Variants in NOX5 observed in about 807,000 individuals in gnomAD.
NOX5 encodes NADPH oxidase, EF-hand calcium binding domain 5.
In NOX5, 76 loss-of-function variants were observed where a neutral mutation model predicts 85.7. That is an observed-to-expected ratio of 0.89 (90% CI 0.74 to 1.07). The LOEUF (loss-of-function observed/expected upper bound fraction) is 1.07. NOX5 is among the 50% of genes least tolerant of loss of function. NOX5 has a pLI of 0.00. For synonymous variants in NOX5, 405 were observed against 401.4 expected, an observed-to-expected ratio of 1.01 and a Z score of -0.11; for missense variants, 973 against 999.5, an observed-to-expected ratio of 0.97 and a Z score of 0.36.
At chr15:69,049,147 C>T (rs899207206) in intron 14 of NOX5, 89 bp downstream of exon 14, 16 of 746,094 alleles carry the variant, frequency 2.1e-5, no homozygotes, top group Admixed American at 3.0e-5. Context: ...ATGAAACTCA[C>T]GTAACCTAAA....
chr15:69,032,309 TG>T (rs1595776166), intron 4 of NOX5, among the ~76,000 whole-genome samples: 3 of 151,886 alleles, frequency 2.0e-5, no homozygotes, highest in African/African-American at 4.8e-5. Flanking sequence ...AATTAATAAG[TG>T]CTGTGGAGAA....
At chr15:69,054,379 C>G (rs2050784995) in intron 14 of NOX5, among the ~76,000 whole-genome samples, 1 of 152,216 alleles carries the variant, frequency 6.6e-6, no homozygotes, top group Non-Finnish European at 1.5e-5. Flanking sequence ...CCTTCCCCAT[C>G]TCTTCAGCTC....
Position 69,035,896 on chromosome 15 carries a change from T to C in NOX5, c.1148T>C (p.Ile383Thr), listed in dbSNP as rs2050509921. Residue 383 changes from isoleucine to threonine, a missense_variant, in exon 7 of 16, where the codon ATC becomes ACC. Coordinates refer to ENST00000388866, the MANE Select transcript of NOX5 (RefSeq NM_024505.4). ...CTGCTGCTGCTCCTCCTCATGTTCA[T>C]CTGCTCCAGTTCCTGCATCCGCAGG... is the stretch of plus-strand genomic sequence containing the variant. ...ALLLLLLLMF[I>T]CSSSCIRRSG... The C allele has an allele frequency of 3.1e-6, 5 of 1,614,074 alleles. No individual in the cohort carries two copies. Among genetic ancestry groups the C allele is most frequent in the Admixed American group, 3.3e-5 (2 of 60,010 alleles).
chr15:69,043,048 G>C (rs780830119), intron 10 of NOX5, among the ~76,000 whole-genome samples: 2 of 152,164 alleles, frequency 1.3e-5, no homozygotes, highest in African/African-American at 2.4e-5. Context: ...AAAGAGAGTG[G>C]AAATTGAAAT....
At chr15:69,043,923 C>T (rs1338779207) in intron 10 of NOX5, among the ~76,000 whole-genome samples, 8 of 152,174 alleles carry the variant, frequency 5.3e-5, no homozygotes, top group South Asian at 2.1e-4. Flanking sequence ...CGGTGGCTCA[C>T]GCCTGTAATC....
intron 7 of NOX5, among the ~76,000 whole-genome samples, chr15:69,036,555 G>A (rs1367592602): frequency 2.6e-4 from 39 of 152,262 alleles, no homozygotes; most frequent in Admixed American, 2.4e-3. Context: ...ACAAGCCTTT[G>A]AAGTAGGAAT....
chr15:69,023,270 T>C (rs1235803873), intron 1 of NOX5: 2 of 246,074 alleles, frequency 8.1e-6, no homozygotes, highest in Admixed American at 5.5e-5. Flanking sequence ...CTGAATTAGA[T>C]CAACTCTCAG....
At chr15:69,051,394 T>TC (rs2050747600) in intron 14 of NOX5, among the ~76,000 whole-genome samples, 2 of 152,156 alleles carry the variant, frequency 1.3e-5, no homozygotes, top group African/African-American at 4.8e-5. Flanking sequence ...TGTAAATTTT[T>TC]CTTTTTTTTT....
intron 6 of NOX5, 107 bp downstream of exon 6, chr15:69,035,614 G>C (rs2050504890): frequency 6.4e-7 from 1 of 1,551,586 alleles, no homozygotes; most frequent in Non-Finnish European, 8.7e-7. Context: ...GGGCAGAGAA[G>C]GGGTGCCCTG....
At chr15:69,021,692 C>T (rs1033293766) in intron 1 of NOX5, among the ~76,000 whole-genome samples, 7 of 152,204 alleles carry the variant, frequency 4.6e-5, no homozygotes, top group Non-Finnish European at 1.0e-4. Context: ...ATTCATTTCT[C>T]TTAAATCCAC....
rs115491834 is a variant in NOX5 at position 69,023,498 on chromosome 15, G to A, written c.51-3030G>A. 470 of 359,992 alleles carry A rather than the reference G, an allele frequency of 1.3e-3. 1 individual carries two copies. The highest frequency in any genetic ancestry group is 9.7e-3 in the African/African-American group (439 of 45,484). The allele number at this position is 359,992 out of a possible 1,614,324, so 22.3% of individuals were successfully genotyped here. ...TGAAATCCCGAATAGAGCCAGGGTT[G>A]TCTTCTTGACCACCAGCTGGTGTTT... On this transcript the variant is annotated intron_variant, in intron 1 of 15. Transcript: ENST00000388866.
chr15:69,026,545 A>T lies in NOX5; in HGVS notation c.68A>T (p.Glu23Val). ...CCTCCCAGCACCATGAGTGCCGAGG[A>T]GGATGCCAGGTGGCTCCGGTGGGTG... ...EGCRGTMSAEEDARWLRWVTQ... is the reference protein window; with the variant it reads ...EGCRGTMSAEVDARWLRWVTQ... Residue 23 changes from glutamate (E) to valine (V), a missense_variant, in exon 2 of 16, where the codon GAG (glutamate) becomes GTG (valine). Glu to Val is a moderately radical substitution (Grantham distance 121). Coordinates refer to ENST00000388866, the MANE Select transcript of NOX5 (RefSeq NM_024505.4). The T allele has an allele frequency of 6.2e-7, 1 of 1,614,178 alleles. No individual in the cohort carries two copies. Among genetic ancestry groups the T allele is most frequent in the Non-Finnish European group, 8.5e-7 (1 of 1,180,020 alleles).
intron 13 of NOX5, 130 bp downstream of exon 13, chr15:69,048,041 A>C: frequency 1.4e-6 from 1 of 729,222 alleles, no homozygotes; most frequent in Non-Finnish European, 2.3e-6. Flanking sequence ...CTTTCCCCAC[A>C]ATACCCTGAA....
Position 69,060,184 on chromosome 15 carries a change from A to T in NOX5, c.*3488A>T, listed in dbSNP as rs913038567. On this transcript the variant is annotated 3_prime_UTR_variant, in exon 16 of 16. Coordinates refer to ENST00000388866, the MANE Select transcript of NOX5 (RefSeq NM_024505.4). ...CAATCAGGCAGGGCCCTCCTGGACG[A>T]GCGGCACAAGTGCAGGCTATTAATA... 1 of 152,316 alleles carries T rather than the reference A, an allele frequency of 6.6e-6. No individual in the cohort carries two copies. The highest frequency in any genetic ancestry group is 2.4e-5 in the African/African-American group (1 of 41,448). 9.4% of individuals were successfully genotyped at this position (152,316 alleles called of 1,614,324 possible).
Position 69,014,812 on chromosome 15 carries a change from C to T in NOX5, c.50+27C>T, listed in dbSNP as rs1319893680. ...TGAGTGGCTCATTTGTCCAGCTTTC[C>T]ATGCCAGGGACAAGGGAAAGGTGGG... On this transcript the variant is annotated intron_variant, in intron 1 of 15. Coordinates refer to ENST00000388866, the MANE Select transcript of NOX5 (RefSeq NM_024505.4). 7 of 1,478,500 alleles carry T rather than the reference C, an allele frequency of 4.7e-6. No homozygotes were observed. In the African/African-American group the frequency reaches 7.0e-5, roughly 15 times the overall value. The allele number at this position is 1,478,500 out of a possible 1,614,324, so 91.6% of individuals were successfully genotyped here. A position where few individuals can be genotyped will look rare whatever the true frequency, so the allele number is the denominator to read the frequency against.
chr15:69,057,190 C>G lies in NOX5; in HGVS notation c.*494C>G, dbSNP rs1343704235. On this transcript the variant is annotated 3_prime_UTR_variant, in exon 16 of 16. Coordinates refer to ENST00000388866, the MANE Select transcript of NOX5 (RefSeq NM_024505.4). ...TCTAGACTCCTCAGTTAATAATTTG[C>G]TCTGTTTATCACATATTATCCATCA... 6.5e-6 allele frequency: 1 copy of G among 154,442 alleles called. No homozygotes were observed. Among genetic ancestry groups the G allele is most frequent in the African/African-American group, 2.4e-5 (1 of 41,454 alleles). The allele number at this position is 154,442 out of a possible 1,614,324, so 9.6% of individuals were successfully genotyped here. A position where few individuals can be genotyped will look rare whatever the true frequency, so the allele number is the denominator to read the frequency against.
chr15:69,029,402 G>A (rs1007814745), intron 3 of NOX5: 11 of 152,130 alleles, frequency 7.2e-5, no homozygotes, highest in African/African-American at 2.7e-4. Flanking sequence ...TCACCAATTA[G>A]TGGACATTTG....
chr15:69,042,616 C>A, intron 9 of NOX5, 47 bp from the exon 10 acceptor site: 1 of 1,581,330 alleles, frequency 6.3e-7, no homozygotes, highest in Non-Finnish European at 8.6e-7. Flanking sequence ...CTCCCTGGTG[C>A]CGGTCACTAT....
At chr15:69,047,718 C>T (rs1371345613) in intron 12 of NOX5, 112 bp from the exon 13 acceptor site, 12 of 1,333,114 alleles carry the variant, frequency 9.0e-6, no homozygotes, top group Non-Finnish European at 1.3e-5. Context: ...TCCCCTTCCT[C>T]ATAGAGTGGG....
Sources: gnomAD v4.1 joint callset for allele counts (sites outside exome capture counted in the v4.1 genomes callset) on GRCh38, gnomAD v4.1.1 for gene constraint, MANE v1.5 for transcripts, NCBI Gene and HGNC (gene_info 2026-07-23, HGNC 2026-07-21) for gene names.